TRHDE: variants seen among roughly 807,000 people sequenced by gnomAD.
The protein encoded by TRHDE is thyrotropin-releasing hormone-degrading ectoenzyme.
TRHDE carries 72 observed loss-of-function variants against 125.7 expected under a neutral mutation model. The ratio of observed to expected loss-of-function variants is 0.57; its 90% CI spans 0.47 to 0.70. The LOEUF is 0.70. Ranked by LOEUF, TRHDE falls within the 30% of genes least tolerant of loss-of-function variation. TRHDE has a pLI of 0.00. For synonymous variants in TRHDE, 509 were observed against 509.1 expected, an observed-to-expected ratio of 1.00 and a Z score of 0.00; for missense variants, 1,110 against 1,327.1, an observed-to-expected ratio of 0.84 and a Z score of 2.54.
At chr12:72,405,190 T>C (rs1277895001) in intron 3 of TRHDE, among the ~76,000 whole-genome samples, 1 of 152,236 alleles carries the variant, frequency 6.6e-6, no homozygotes, top group African/African-American at 2.4e-5. Context: ...TGTATAGATA[T>C]ATCTGATAGA....
Position 72,212,352 on chromosome 12 carries a change from G to GA in TRHDE, n.279+106610dup, listed in dbSNP as rs796369202. Among the ~76,000 whole-genome samples the GA allele has an allele frequency of 8.6e-3, 1,250 of 144,524 alleles. 16 individuals carry two copies. Among genetic ancestry groups the GA allele is most frequent in the African/African-American group, 0.029 (1,161 of 39,546 alleles). The allele number at this position is 144,524 out of a possible 152,430, so 94.8% of individuals were successfully genotyped here. A position where few individuals can be genotyped will look rare whatever the true frequency, so the allele number is the denominator to read the frequency against. On this transcript the variant is annotated intron_variant and non_coding_transcript_variant, in intron 2 of 4. Transcript: ENST00000548156. ...ATACCAGAAGTACAAGCAACCAAAGGAAAAAAAAAAGATAAATTGAACTTC... is the reference window on the plus strand; with the variant it reads ...ATACCAGAAGTACAAGCAACCAAAGGAAAAAAAAAAAGATAAATTGAACTTC...
chr12:72,414,916 CTT>C (rs1201717722), intron 3 of TRHDE, among the ~76,000 whole-genome samples: 1 of 151,998 alleles, frequency 6.6e-6, no homozygotes, highest in African/African-American at 2.4e-5. Context: ...AATTTAATGA[CTT>C]AAATTTTTTA....
intron 2 of TRHDE, among the ~76,000 whole-genome samples, chr12:72,217,709 G>T (rs1454361807): frequency 1.3e-5 from 2 of 152,150 alleles, no homozygotes; most frequent in Non-Finnish European, 2.9e-5. Flanking sequence ...AAACAGAGAT[G>T]CTTTCGTTGC....
At chr12:72,297,155 C>T (rs976869269) in intron 2 of TRHDE, among the ~76,000 whole-genome samples, 1 of 152,114 alleles carries the variant, frequency 6.6e-6, no homozygotes, top group African/African-American at 2.4e-5. Flanking sequence ...GGCCAGCAGT[C>T]AGGAGGGTAA....
intron 2 of TRHDE, among the ~76,000 whole-genome samples, chr12:72,333,815 A>G (rs988080618): frequency 6.6e-6 from 1 of 152,216 alleles, no homozygotes; most frequent in African/African-American, 2.4e-5. Flanking sequence ...TGTTAGGAGT[A>G]CATAGACTTC....
chr12:72,658,345 A>T (rs560931513), intron 18 of TRHDE, among the ~76,000 whole-genome samples: 25 of 152,198 alleles, frequency 1.6e-4, no homozygotes, highest in African/African-American at 6.0e-4. Flanking sequence ...TAATCTGGGA[A>T]TTAAAGACTC....
intron 2 of TRHDE, among the ~76,000 whole-genome samples, chr12:72,112,083 A>T (rs1875328546): frequency 6.6e-6 from 1 of 152,172 alleles, no homozygotes; most frequent in African/African-American, 2.4e-5. Flanking sequence ...ATACAAAAAG[A>T]TTCGCTCATT....
intron 5 of TRHDE, among the ~76,000 whole-genome samples, chr12:72,495,059 C>CTTTTT (rs1592489033): frequency 5.0e-5 from 3 of 59,976 alleles, no homozygotes; most frequent in African/African-American, 7.0e-5. Flanking sequence ...GTTCCTCCCC[C>CTTTTT]GTTTTTTTTT....
chr12:72,307,186 G>A (rs1156479080), intron 2 of TRHDE, among the ~76,000 whole-genome samples: 6 of 152,138 alleles, frequency 3.9e-5, no homozygotes, highest in Admixed American at 6.5e-5. Context: ...TTCCTCTGTC[G>A]CTCTGGCTGG....
chr12:72,335,213 G>C (rs1869777498), intron 2 of TRHDE, among the ~76,000 whole-genome samples: 1 of 152,150 alleles, frequency 6.6e-6, no homozygotes, highest in Non-Finnish European at 1.5e-5. Flanking sequence ...CAATCACAGA[G>C]AATTTCCTTT....
At chr12:72,111,157 G>C (rs997422798) in intron 2 of TRHDE, among the ~76,000 whole-genome samples, 2 of 152,120 alleles carry the variant, frequency 1.3e-5, no homozygotes. Context: ...TTTTCTGGCT[G>C]TTGAACGTTA....
intron 2 of TRHDE, among the ~76,000 whole-genome samples, chr12:72,111,541 G>A (rs1444773519): frequency 6.6e-6 from 1 of 152,128 alleles, no homozygotes; most frequent in Non-Finnish European, 1.5e-5. Flanking sequence ...TAGTTCTAAG[G>A]TCTGAGGGAG....
intron 12 of TRHDE, among the ~76,000 whole-genome samples, chr12:72,609,180 A>G (rs1420147036): frequency 2.0e-5 from 3 of 152,228 alleles, no homozygotes; most frequent in African/African-American, 7.2e-5. Flanking sequence ...AGATTTTCCA[A>G]GAAACACATG....
intron 1 of TRHDE, among the ~76,000 whole-genome samples, chr12:72,091,308 A>C (rs774417962): frequency 6.6e-6 from 1 of 152,190 alleles, no homozygotes; most frequent in Non-Finnish European, 1.5e-5. Context: ...TTATGCACAT[A>C]AATTTTGCAT....
chr12:72,317,603 G>A (rs998173007), intron 2 of TRHDE, among the ~76,000 whole-genome samples: 1 of 152,172 alleles, frequency 6.6e-6, no homozygotes, highest in East Asian at 1.9e-4. Context: ...ATTCATGAAG[G>A]CTCCCAATTA....
chr12:72,506,929 G>T (rs144682684), intron 6 of TRHDE, among the ~76,000 whole-genome samples: 2 of 152,132 alleles, frequency 1.3e-5, no homozygotes, highest in African/African-American at 4.8e-5. Context: ...GGAGGTGATT[G>T]GATCATGGGG....
intron 12 of TRHDE, among the ~76,000 whole-genome samples, chr12:72,585,702 A>G (rs543424032): frequency 5.6e-4 from 85 of 152,242 alleles, no homozygotes; most frequent in Non-Finnish European, 1.1e-3. Flanking sequence ...CTATTCTACC[A>G]GAAAAGAAAA....
intron 3 of TRHDE, among the ~76,000 whole-genome samples, chr12:72,420,433 A>G (rs1049546285): frequency 3.9e-5 from 6 of 152,214 alleles, no homozygotes; most frequent in Admixed American, 6.6e-5. Flanking sequence ...ATAAGCAACT[A>G]TAAAGGACTT....
At chr12:72,186,836 TG>T (rs368634953) in intron 2 of TRHDE, among the ~76,000 whole-genome samples, 2 of 151,812 alleles carry the variant, frequency 1.3e-5, no homozygotes, top group Non-Finnish European at 2.9e-5. Context: ...TTTATTGGCG[TG>T]GGGGGTAGCA....
Sources: gnomAD v4.1 joint callset for allele counts (sites outside exome capture counted in the v4.1 genomes callset) on GRCh38, gnomAD v4.1.1 for gene constraint, MANE v1.5 for transcripts, NCBI Gene and HGNC (gene_info 2026-07-23, HGNC 2026-07-21) for gene names.